TMEM132B: variants seen among roughly 807,000 people sequenced by gnomAD.
TMEM132B encodes transmembrane protein 132B.
TMEM132B carries 18 observed loss-of-function variants against 90.8 expected under a neutral mutation model. The ratio of observed to expected loss-of-function variants is 0.20; its 90% CI spans 0.14 to 0.29. The LOEUF is 0.29. Among genes scored for constraint, TMEM132B ranks in the 10% least tolerant of loss-of-function variants. The pLI is 1.00. For missense variants in TMEM132B, 1,096 were observed against 1,326.8 expected (o/e 0.83, Z 2.70); for synonymous variants, 504 against 523.3 (o/e 0.96, Z 0.50).
intron 1 of TMEM132B, among the ~76,000 whole-genome samples, chr12:125,271,466 C>T (rs905644706): frequency 6.6e-6 from 1 of 152,150 alleles, no homozygotes; most frequent in African/African-American, 2.4e-5. Flanking sequence ...GTCTGCTATT[C>T]TTGACCCTTG....
chr12:125,374,840 T>C (rs1018121520), intron 2 of TMEM132B, among the ~76,000 whole-genome samples: 3 of 152,000 alleles, frequency 2.0e-5, no homozygotes, highest in Admixed American at 6.6e-5. Context: ...CAATGCTCCA[T>C]ACAGAAAAAA....
At chr12:125,226,956 T>G (rs1873693989) in intron 1 of TMEM132B, among the ~76,000 whole-genome samples, 1 of 152,216 alleles carries the variant, frequency 6.6e-6, no homozygotes, top group Non-Finnish European at 1.5e-5. Flanking sequence ...TAATTACATG[T>G]GTCATAAACT....
At chr12:125,609,807 ACT>A (rs1409186216) in intron 5 of TMEM132B, among the ~76,000 whole-genome samples, 1 of 104,906 alleles carries the variant, frequency 9.5e-6, no homozygotes, top group Non-Finnish European at 1.7e-5. Flanking sequence ...ACAGAGTGAG[ACT>A]CTGTCTCAAA....
At chr12:125,531,238 TGCA>T (rs1883639110) in intron 4 of TMEM132B, among the ~76,000 whole-genome samples, 1 of 152,182 alleles carries the variant, frequency 6.6e-6, no homozygotes, top group African/African-American at 2.4e-5. Context: ...CAGGCTGGAG[TGCA>T]GCAGTATGTT....
intron 1 of TMEM132B, among the ~76,000 whole-genome samples, chr12:125,341,255 C>T (rs1357780340): frequency 6.6e-6 from 1 of 152,180 alleles, no homozygotes. Flanking sequence ...CATAACTGCT[C>T]TGTGCCTCAG....
At chr12:125,530,347 C>T (rs1300654631) in intron 4 of TMEM132B, among the ~76,000 whole-genome samples, 1 of 151,978 alleles carries the variant, frequency 6.6e-6, no homozygotes, top group Non-Finnish European at 1.5e-5. Context: ...TCCCCGACCC[C>T]CAACTAGGAT....
At chr12:125,233,249 G>C (rs1029790471) in intron 1 of TMEM132B, among the ~76,000 whole-genome samples, 2 of 152,160 alleles carry the variant, frequency 1.3e-5, no homozygotes, top group Non-Finnish European at 2.9e-5. Context: ...GGATTATACA[G>C]GATAGAAGTT....
chr12:125,495,352 C>T (rs577272615), intron 3 of TMEM132B, among the ~76,000 whole-genome samples: 3 of 150,454 alleles, frequency 2.0e-5, no homozygotes, highest in East Asian at 3.9e-4. Flanking sequence ...CCTCCTCCCC[C>T]TCTTCCCTGG....
rs71306285 is a variant in TMEM132B at position 125,542,025 on chromosome 12, C to CAAA, written c.1293+22425_1293+22427dup. ...GGGCGACAGAGCAAAACCCCCGTCT[C>CAAA]AAAAAAAAAAAAAAAAAAAAAAAAA... On this transcript the variant is annotated intron_variant, in intron 4 of 8. Transcript: ENST00000682704. Among the ~76,000 whole-genome samples, 44 of 23,300 alleles carry CAAA rather than the reference C, an allele frequency of 1.9e-3. 2 individuals carry two copies. Among genetic ancestry groups the CAAA allele is most frequent in the African/African-American group, 6.5e-3 (34 of 5,258 alleles). 15.3% of individuals were successfully genotyped at this position (23,300 alleles called of 152,430 possible). A position where few individuals can be genotyped will look rare whatever the true frequency, so the allele number is the denominator to read the frequency against.
rs539974964 is a variant in TMEM132B at position 125,533,524 on chromosome 12, T to G, written c.1293+13899T>G. 4.5e-4 allele frequency among the ~76,000 whole-genome samples: 68 copies of G among 152,384 alleles called. 1 individual carries two copies. Among genetic ancestry groups the G allele is most frequent in the Middle Eastern group, 6.8e-3 (2 of 294 alleles). ...GCTGATTGCAGAGCCCAGCAAGTCT[T>G]TCTCTAAATGGCTTTACTTTGACAA... On this transcript the variant is annotated intron_variant, in intron 4 of 8. Transcript: ENST00000682704.
chr12:125,652,413 T>C (rs1252830254), intron 7 of TMEM132B, 28 bp from the exon 8 acceptor site: 2 of 1,551,772 alleles, frequency 1.3e-6, no homozygotes, highest in South Asian at 1.2e-5. Context: ...GGAGCAGAGA[T>C]GCATGAGTCT....
intron 2 of TMEM132B, among the ~76,000 whole-genome samples, chr12:125,376,078 G>C (rs1338063720): frequency 6.6e-6 from 1 of 152,222 alleles, no homozygotes; most frequent in Non-Finnish European, 1.5e-5. Context: ...GGTAGTGTCT[G>C]TCTGAGGCTC....
At chr12:125,191,364 A>G (rs1391868373) in intron 1 of TMEM132B, among the ~76,000 whole-genome samples, 1 of 152,098 alleles carries the variant, frequency 6.6e-6, no homozygotes, top group African/African-American at 2.4e-5. Context: ...GGACACTCTC[A>G]TTATTCCTAG....
chr12:125,361,998 A>G (rs1187078065), intron 2 of TMEM132B, among the ~76,000 whole-genome samples: 1 of 152,228 alleles, frequency 6.6e-6, no homozygotes, highest in Non-Finnish European at 1.5e-5. Flanking sequence ...CCACACTTAG[A>G]TATGCCATGG....
rs368145329 is a variant in TMEM132B, at chr12:125,415,537, G to C, written c.966G>C (p.Lys322Asn). 81 of 1,614,114 alleles carry C rather than the reference G, an allele frequency of 5.0e-5. No homozygotes were observed. In the African/African-American group the frequency reaches 1.1e-3, roughly 21 times the overall value. Residue 322 changes from lysine (K) to asparagine (N), a missense_variant, in exon 3 of 9, where the codon AAG becomes AAC. Coordinates refer to ENST00000682704, the MANE Select transcript of TMEM132B (RefSeq NM_001366854.1). This position sits in a 1 kb window ranked among gnomAD's most constrained non-coding sequence, Gnocchi z 5.3. Reference protein sequence around the residue: ...SVADQFTLRIKAAAGVKITAV... With the variant: ...SVADQFTLRINAAAGVKITAV... ...TTGTTTTCCCACCCCACAGAATTAA[G>C]GCGGCAGCAGGTGTGAAGATAACGG...
intron 3 of TMEM132B, among the ~76,000 whole-genome samples, chr12:125,501,066 T>G (rs1381142632): frequency 6.6e-6 from 1 of 152,202 alleles, no homozygotes; most frequent in Non-Finnish European, 1.5e-5. Context: ...TTCAGAAAAG[T>G]TAGGAATCCA....
chr12:125,407,852 CGTCCCT>C lies in TMEM132B; in HGVS notation c.960-7676_960-7671del, dbSNP rs1346524407. Among the ~76,000 whole-genome samples, 1 of 152,244 alleles carries C rather than the reference CGTCCCT, an allele frequency of 6.6e-6. No individual in the cohort carries two copies. The highest frequency in any genetic ancestry group is 1.5e-5 in the Non-Finnish European group (1 of 68,054). On this transcript the variant is annotated intron_variant, in intron 2 of 8. Transcript: ENST00000682704. The surrounding 1 kb of genome is among the most constrained non-coding windows in gnomAD (Gnocchi z 6.7). ...ACCATGTCCTCCTGGCTCTGACTTA[CGTCCCT>C]GTTACAATGCACTTGCTCTGTTTTG... is the stretch of plus-strand genomic sequence containing the variant.
intron 4 of TMEM132B, among the ~76,000 whole-genome samples, chr12:125,579,491 A>G (rs1466014970): frequency 6.6e-6 from 1 of 151,516 alleles, no homozygotes; most frequent in East Asian, 1.9e-4. Flanking sequence ...CCTCCGAAGT[A>G]GCTGGGATTA....
At chr12:125,357,343 C>T (rs1404320419) in intron 2 of TMEM132B, among the ~76,000 whole-genome samples, 2 of 152,210 alleles carry the variant, frequency 1.3e-5, no homozygotes, top group South Asian at 2.1e-4. Flanking sequence ...AATTCATACA[C>T]TGGCTTTGAG....
Sources: gnomAD v4.1 joint callset for allele counts (sites outside exome capture counted in the v4.1 genomes callset) on GRCh38, gnomAD v4.1.1 for gene constraint, Gnocchi (gnomAD v3.1) non-coding constraint, MANE v1.5 for transcripts, NCBI Gene and HGNC (gene_info 2026-07-23, HGNC 2026-07-21) for gene names.